Variants in ANXA8 observed in about 807,000 individuals in gnomAD.
The protein encoded by ANXA8 is annexin A8.
In ANXA8, 9 loss-of-function variants were observed where a neutral mutation model predicts 26.8. The observed-to-expected ratio is 0.34, with a 90% CI of 0.20 to 0.59. The LOEUF (loss-of-function observed/expected upper bound fraction) is 0.59, where lower values mean the gene tolerates loss of function less well. ANXA8 is among the 20% of genes least tolerant of loss of function. ANXA8 has a pLI of 0.84. For synonymous variants in ANXA8, 39 were observed against 94.8 expected, an observed-to-expected ratio of 0.41 and a Z score of 3.42; for missense variants, 83 against 238.5, an observed-to-expected ratio of 0.35 and a Z score of 4.29.
the ANXA8 span, among the ~76,000 whole-genome samples, chr10:47,558,252 C>T: frequency 2.6e-5 from 4 of 151,892 alleles, no homozygotes; most frequent in African/African-American, 4.8e-5. Context: ...AAATAATAAA[C>T]GTCATGGGTG....
the ANXA8 span, among the ~76,000 whole-genome samples, chr10:47,939,450 G>A: frequency 6.9e-6 from 1 of 145,184 alleles, no homozygotes; most frequent in South Asian, 2.2e-4. Flanking sequence ...ACTCCAGCTA[G>A]GTCCTCTGTC....
chr10:47,586,569 C>T, the ANXA8 span, among the ~76,000 whole-genome samples: 6 of 145,626 alleles, frequency 4.1e-5, 1 homozygote, highest in Non-Finnish European at 5.9e-5. Context: ...GGACTGGCCC[C>T]GGGGGATCCT....
intron 7 of ANXA8, 113 bp downstream of exon 7, chr10:47,474,832 G>T: frequency 1.5e-6 from 2 of 1,325,066 alleles, no homozygotes; most frequent in Non-Finnish European, 2.1e-6. Flanking sequence ...GGCCTATAGG[G>T]AGCTGAGCTG....
the ANXA8 span, among the ~76,000 whole-genome samples, chr10:47,631,605 T>C: frequency 3.3e-5 from 5 of 150,568 alleles, no homozygotes; most frequent in South Asian, 8.3e-4. Context: ...TTTAAAACTA[T>C]AGAGGAATAA....
the ANXA8 span, among the ~76,000 whole-genome samples, chr10:47,937,834 T>A: frequency 6.8e-6 from 1 of 147,272 alleles, no homozygotes; most frequent in Non-Finnish European, 1.5e-5. Context: ...GTAAAGGACA[T>A]GTTCCTGTAA....
chr10:47,513,744 C>A, the ANXA8 span, among the ~76,000 whole-genome samples: 1 of 138,604 alleles, frequency 7.2e-6, no homozygotes, highest in Admixed American at 7.5e-5. Context: ...ATACCTATAG[C>A]CAACTGATTT....
the ANXA8 span, among the ~76,000 whole-genome samples, chr10:47,657,411 G>C: frequency 6.6e-6 from 1 of 151,828 alleles, no homozygotes; most frequent in Admixed American, 6.6e-5. Context: ...TGCAGGTAGA[G>C]AAAATGACAG....
chr10:47,733,050 G>A, the ANXA8 span, among the ~76,000 whole-genome samples: 1 of 150,700 alleles, frequency 6.6e-6, no homozygotes, highest in African/African-American at 2.4e-5. Flanking sequence ...GCAAAAAAGG[G>A]GGACTTGATT....
chr10:47,498,249 C>A, the ANXA8 span, among the ~76,000 whole-genome samples: 4 of 149,650 alleles, frequency 2.7e-5, no homozygotes, highest in Admixed American at 1.3e-4. Context: ...GAAGGAACAC[C>A]GTATTTGTCT....
chr10:47,492,277 G>A, the ANXA8 span, among the ~76,000 whole-genome samples: 1 of 148,098 alleles, frequency 6.8e-6, no homozygotes, highest in Non-Finnish European at 1.5e-5. Context: ...CCGAGTCAGA[G>A]GGGGGCACAG....
the ANXA8 span, among the ~76,000 whole-genome samples, chr10:47,680,358 G>A: frequency 2.2e-4 from 33 of 151,942 alleles, no homozygotes; most frequent in African/African-American, 7.0e-4. Context: ...ACTGTGGCCC[G>A]GCGTGGTGGC....
At chr10:47,701,974 T>G in the ANXA8 span, among the ~76,000 whole-genome samples, 5 of 150,574 alleles carry the variant, frequency 3.3e-5, no homozygotes, top group Admixed American at 3.3e-4. Flanking sequence ...ACATAAATGC[T>G]GCAATCTAGT....
the ANXA8 span, among the ~76,000 whole-genome samples, chr10:47,659,543 G>A: frequency 1.3e-5 from 2 of 151,356 alleles, no homozygotes; most frequent in Non-Finnish European, 2.9e-5. Flanking sequence ...GGGTGTGGTG[G>A]TGCATACCTG....
chr10:47,522,874 T>G, the ANXA8 span: 1 of 456,826 alleles, frequency 2.2e-6, no homozygotes, highest in Non-Finnish European at 3.6e-6. Context: ...ACCATCTGTT[T>G]GAGAGTTCCT....
chr10:47,761,127 C>CAG, the ANXA8 span, among the ~76,000 whole-genome samples: 303 of 149,176 alleles, frequency 2.0e-3, no homozygotes, highest in African/African-American at 7.1e-3. Flanking sequence ...CACACACACA[C>CAG]AGCAGTGGGA....
At chr10:47,484,994 C>T (rs1184977490), upstream of ANXA8, among the ~76,000 whole-genome samples, 2 of 147,448 alleles carry the variant, frequency 1.4e-5, no homozygotes, top group African/African-American at 2.5e-5. Flanking sequence ...CGCTGCAAAC[C>T]TGGCCGCCGC....
the ANXA8 span, among the ~76,000 whole-genome samples, chr10:47,902,832 A>G: frequency 6.6e-6 from 1 of 151,044 alleles, no homozygotes; most frequent in Non-Finnish European, 1.5e-5. Flanking sequence ...TATTAATATC[A>G]TTCACTAAAA....
chr10:47,967,266 A>C, the ANXA8 span, among the ~76,000 whole-genome samples: 1 of 151,044 alleles, frequency 6.6e-6, no homozygotes, highest in African/African-American at 2.4e-5. Flanking sequence ...GGGCGCCTCC[A>C]CAATGCTTAG....
At chr10:47,525,539 T>C in the ANXA8 span, among the ~76,000 whole-genome samples, 1 of 135,076 alleles carries the variant, frequency 7.4e-6, no homozygotes, top group Non-Finnish European at 1.6e-5. Context: ...ATCGGGATTA[T>C]GGGGATTATA....
Sources: gnomAD v4.1 joint callset for allele counts (sites outside exome capture counted in the v4.1 genomes callset) on GRCh38, gnomAD v4.1.1 for gene constraint, MANE v1.5 for transcripts, NCBI Gene and HGNC (gene_info 2026-07-23, HGNC 2026-07-21) for gene names.